SYCE2: variants seen among roughly 807,000 people sequenced by gnomAD.
SYCE2 encodes central element synaptonemal complex 1.
A neutral mutation model predicts 27.9 loss-of-function variants in SYCE2; 3 were observed. The ratio of observed to expected loss-of-function variants is 0.11; its 90% confidence interval spans 0.05 to 0.28. SYCE2 has a LOEUF of 0.28. SYCE2 is among the 10% of genes least tolerant of loss of function. The pLI is 1.00. For synonymous variants in SYCE2, 85 were observed against 100.7 expected (o/e 0.84, Z 0.93); for missense variants, 207 against 263.5 (o/e 0.79, Z 1.48).
At position 12,910,147 on chromosome 19, in the gene SYCE2, G is replaced by C. The variant is rs538229372; in HGVS notation, c.132-5481C>G. Among the ~76,000 whole-genome samples the C allele has an allele frequency of 4.6e-5, 7 of 152,172 alleles. No homozygotes were observed. The East Asian group carries it at 1.4e-3, about 29-fold the overall frequency. The stretch of plus-strand genomic sequence containing the variant: ...CCCAAAGTGCTGGGATTACAGGCGT[G>C]AGCCACCATGCCCGGCCCTACCTTC... On this transcript the variant is annotated intron_variant, in intron 2 of 5. Coordinates refer to ENST00000293695, the MANE Select transcript of SYCE2 (RefSeq NM_001105578.2).
intron 2 of SYCE2, among the ~76,000 whole-genome samples, chr19:12,905,607 A>G (rs1171420442): frequency 4.6e-5 from 7 of 151,674 alleles, no homozygotes; most frequent in African/African-American, 1.7e-4. Flanking sequence ...CTGGGATTAC[A>G]GGCGTGAGCC....
chr19:12,911,970 C>T (rs1188470803), intron 2 of SYCE2, among the ~76,000 whole-genome samples: 1 of 150,564 alleles, frequency 6.6e-6, no homozygotes, highest in Non-Finnish European at 1.5e-5. Flanking sequence ...CAGAGTCTTG[C>T]TCTGTCACCT....
chr19:12,902,218 A>G (rs997335952), intron 3 of SYCE2, among the ~76,000 whole-genome samples: 2 of 152,092 alleles, frequency 1.3e-5, no homozygotes, highest in African/African-American at 2.4e-5. Flanking sequence ...AATTCAATCT[A>G]TGATGTTCAG....
At chr19:12,916,777 T>C (rs1310657361) in intron 2 of SYCE2, among the ~76,000 whole-genome samples, 1 of 151,894 alleles carries the variant, frequency 6.6e-6, no homozygotes, top group Non-Finnish European at 1.5e-5. Context: ...ATTTCTTTCT[T>C]TCTTTCTTTC....
At chr19:12,903,902 C>G (rs980980317) in intron 3 of SYCE2, among the ~76,000 whole-genome samples, 3 of 152,278 alleles carry the variant, frequency 2.0e-5, no homozygotes, top group East Asian at 1.9e-4. Context: ...CTGGTCCCCC[C>G]ATTATATATT....
intron 2 of SYCE2, among the ~76,000 whole-genome samples, chr19:12,915,041 C>T (rs750029912): frequency 3.7e-4 from 56 of 152,234 alleles, no homozygotes; most frequent in Admixed American, 9.8e-4. Context: ...AAATGGATTT[C>T]ATAGCAGTGC....
intron 2 of SYCE2, among the ~76,000 whole-genome samples, chr19:12,912,254 C>T (rs1452658620): frequency 2.0e-5 from 3 of 151,834 alleles, no homozygotes; most frequent in African/African-American, 7.3e-5. Context: ...CTGTTTTCTA[C>T]AGCCCCTCCA....
intron 3 of SYCE2, 110 bp downstream of exon 3, chr19:12,904,382 G>T: frequency 7.9e-7 from 1 of 1,265,058 alleles, no homozygotes; most frequent in Non-Finnish European, 1.1e-6. Flanking sequence ...CTCCTGTGCT[G>T]TGTGTGAATG....
chr19:12,913,297 C>T (rs550055744), intron 2 of SYCE2, among the ~76,000 whole-genome samples: 47 of 152,306 alleles, frequency 3.1e-4, no homozygotes, highest in Non-Finnish European at 5.7e-4. Flanking sequence ...TGGGTCTAAG[C>T]GAAGAGACCA....
chr19:12,917,010 A>G (rs1408054131), intron 2 of SYCE2, among the ~76,000 whole-genome samples: 3 of 151,650 alleles, frequency 2.0e-5, no homozygotes, highest in South Asian at 2.1e-4. Flanking sequence ...CCAGCCTCCC[A>G]AAGTGCTGGG....
chr19:12,903,907 T>G (rs1324524018), intron 3 of SYCE2, among the ~76,000 whole-genome samples: 1 of 152,188 alleles, frequency 6.6e-6, no homozygotes, highest in Admixed American at 6.5e-5. Flanking sequence ...CCCCCCATTA[T>G]ATATTCTGAA....
At chr19:12,904,801 C>T in intron 2 of SYCE2, 135 bp from the exon 3 acceptor site, 1 of 980,988 alleles carries the variant, frequency 1.0e-6, no homozygotes, top group Non-Finnish European at 1.5e-6. Context: ...GAGTTCGAGA[C>T]CAGCCTGGCA....
intron 3 of SYCE2, among the ~76,000 whole-genome samples, chr19:12,903,483 A>C (rs1970881244): frequency 1.4e-5 from 2 of 144,444 alleles, no homozygotes; most frequent in Non-Finnish European, 1.5e-5. Context: ...TCCGCCTCCC[A>C]GGTTCAAGCA....
chr19:12,918,407 C>G, intron 1 of SYCE2, 70 bp from the exon 2 acceptor site: 3 of 1,422,848 alleles, frequency 2.1e-6, no homozygotes, highest in African/African-American at 2.8e-5. Context: ...TCCTGCCGAC[C>G]CTTCAACCCT....
At position 12,909,711 on chromosome 19, in the gene SYCE2, C is replaced by G. The variant is rs572031190; in HGVS notation, c.132-5045G>C. 3.4e-4 allele frequency among the ~76,000 whole-genome samples: 51 copies of G among 152,040 alleles called. No individual in the cohort carries two copies. The East Asian group carries it at 7.2e-3, about 21-fold the overall frequency. ...CCTCCCGAATAGCTGGGATTACAGG[C>G]ATGTACCACCACACTTGGCGAATTT... On this transcript the variant is annotated intron_variant, in intron 2 of 5. Coordinates refer to ENST00000293695, the MANE Select transcript of SYCE2 (RefSeq NM_001105578.2).
At chr19:12,913,457 G>A (rs958602524) in intron 2 of SYCE2, among the ~76,000 whole-genome samples, 3 of 152,178 alleles carry the variant, frequency 2.0e-5, no homozygotes, top group African/African-American at 2.4e-5. Flanking sequence ...CCCGGGAGAG[G>A]AGGCAAGCTA....
intron 2 of SYCE2, among the ~76,000 whole-genome samples, chr19:12,905,117 G>C (rs1053671054): frequency 6.6e-6 from 1 of 151,938 alleles, no homozygotes; most frequent in Non-Finnish European, 1.5e-5. Flanking sequence ...TGGGTGACAC[G>C]AGGCATGCTT....
At chr19:12,903,068 CAGAAA>C (rs761788232) in intron 3 of SYCE2, among the ~76,000 whole-genome samples, 27 of 149,880 alleles carry the variant, frequency 1.8e-4, no homozygotes, top group African/African-American at 6.6e-4. Flanking sequence ...AAGAAAAAAC[CAGAAA>C]GAGGCAGTCT....
At chr19:12,910,881 G>A (rs1453323858) in intron 2 of SYCE2, among the ~76,000 whole-genome samples, 1 of 151,306 alleles carries the variant, frequency 6.6e-6, no homozygotes, top group East Asian at 1.9e-4. Flanking sequence ...GTTTCACCAT[G>A]TTAGCCAGGA....
Sources: gnomAD v4.1 joint callset for allele counts (sites outside exome capture counted in the v4.1 genomes callset) on GRCh38, gnomAD v4.1.1 for gene constraint, MANE v1.5 for transcripts, NCBI Gene and HGNC (gene_info 2026-07-23, HGNC 2026-07-21) for gene names.